Variants in FBN2 observed in about 807,000 individuals in gnomAD.
The protein encoded by FBN2 is fibrillin-2.
Under a neutral mutation model 355.6 loss-of-function variants are expected in FBN2, and 105 were observed. That is an observed-to-expected ratio of 0.30 (90% CI 0.25 to 0.35). FBN2 has a LOEUF of 0.35. Among genes scored for constraint, FBN2 ranks in the 10% least tolerant of loss-of-function variants. The pLI is 1.00. For synonymous variants in FBN2, 1,350 were observed against 1,301.2 expected, an observed-to-expected ratio of 1.04 and a Z score of -0.81; for missense variants, 3,280 against 3,758.7, an observed-to-expected ratio of 0.87 and a Z score of 3.33.
chr5:128,491,256 C>T (rs1427569238), intron 5 of FBN2, among the ~76,000 whole-genome samples: 1 of 152,206 alleles, frequency 6.6e-6, no homozygotes, highest in Non-Finnish European at 1.5e-5. Flanking sequence ...TTGAAAAGGA[C>T]AGCAAGCCAT....
At chr5:128,439,940 G>T (rs1753872367) in intron 7 of FBN2, among the ~76,000 whole-genome samples, 1 of 151,988 alleles carries the variant, frequency 6.6e-6, no homozygotes, top group Admixed American at 6.6e-5. Flanking sequence ...CCTGGTATAA[G>T]ATGTGACACA....
At chr5:128,288,405 G>A (rs371468490) in intron 53 of FBN2, 33 bp downstream of exon 53, 20 of 1,610,324 alleles carry the variant, frequency 1.2e-5, no homozygotes, top group African/African-American at 2.7e-5. Context: ...TCTATGTCAA[G>A]AAGAAATAAT....
chr5:128,500,040 T>G (rs2127138198), intron 5 of FBN2, among the ~76,000 whole-genome samples: 1 of 152,306 alleles, frequency 6.6e-6, no homozygotes, highest in South Asian at 2.1e-4. Context: ...TGCAACAATA[T>G]TAGTCTTAAA....
chr5:128,331,893 A>G (rs565090657), intron 32 of FBN2, among the ~76,000 whole-genome samples: 1 of 152,304 alleles, frequency 6.6e-6, no homozygotes, highest in South Asian at 2.1e-4. Flanking sequence ...GAGGCCAAAA[A>G]GAGAAAAAGA....
intron 59 of FBN2, among the ~76,000 whole-genome samples, chr5:128,275,316 TA>T (rs1294023831): frequency 6.6e-6 from 1 of 152,096 alleles, no homozygotes; most frequent in East Asian, 1.9e-4. Context: ...TTTTACAGCT[TA>T]AAAAACGCTT....
chr5:128,419,811 G>C (rs1021200875), intron 7 of FBN2, among the ~76,000 whole-genome samples: 13 of 152,056 alleles, frequency 8.5e-5, no homozygotes, highest in Non-Finnish European at 1.5e-4. Context: ...TCCTGCTTCA[G>C]CCTCCCAAGT....
intron 2 of FBN2, among the ~76,000 whole-genome samples, chr5:128,531,255 T>C (rs944537191): frequency 1.4e-4 from 22 of 152,146 alleles, no homozygotes; most frequent in African/African-American, 5.3e-4. Context: ...TAACAGCATT[T>C]GTAGTGACCT....
chr5:128,278,066 T>C, intron 57 of FBN2, 61 bp from the exon 58 acceptor site: 1 of 1,568,668 alleles, frequency 6.4e-7, no homozygotes, highest in Non-Finnish European at 8.8e-7. Flanking sequence ...TAAAACTGGT[T>C]AGAATCAAAG....
intron 7 of FBN2, among the ~76,000 whole-genome samples, chr5:128,434,190 A>G (rs1753707858): frequency 6.6e-6 from 1 of 151,754 alleles, no homozygotes; most frequent in South Asian, 2.1e-4. Flanking sequence ...GAAACACTAT[A>G]TTAAAATAAG....
At chr5:128,376,057 A>C (rs1752069886) in intron 14 of FBN2, among the ~76,000 whole-genome samples, 1 of 152,124 alleles carries the variant, frequency 6.6e-6, no homozygotes, top group Non-Finnish European at 1.5e-5. Flanking sequence ...AATTTAAAAA[A>C]GAAAAGGAAA....
chr5:128,326,365 T>G (rs1301740728), intron 34 of FBN2, among the ~76,000 whole-genome samples: 52 of 152,318 alleles, frequency 3.4e-4, no homozygotes, highest in East Asian at 5.8e-4. Flanking sequence ...TGCTCTCTCC[T>G]CAGAAATTAT....
intron 5 of FBN2, 81 bp from the exon 6 acceptor site, chr5:128,465,002 A>G: frequency 7.6e-7 from 1 of 1,321,930 alleles, no homozygotes; most frequent in Non-Finnish European, 1.1e-6. Flanking sequence ...TGCATAAAAC[A>G]GAGACTATTT....
At position 128,263,505 on chromosome 5, in the gene FBN2, G is replaced by A. The variant is rs370851605; in HGVS notation, c.8112C>T (p.Asn2704=). The A allele has an allele frequency of 3.6e-5, 58 of 1,614,130 alleles. 1 individual carries two copies. Among genetic ancestry groups the A allele is most frequent in the Admixed American group, 2.5e-4 (15 of 60,020 alleles). The change falls in exon 63 of 65, where the codon AAC becomes AAT. Residue 2704 remains asparagine (N), a synonymous_variant. Transcript: ENST00000262464. ...HDVNECSSSK[N]PCNYGCSNTE... The stretch of plus-strand genomic sequence containing the variant: ...TGTTAGAGCAGCCGTAATTGCAGGG[G>A]TTCTTGGAGGACGAGCACTCATTCA...
At chr5:128,382,340 A>G (rs148841701) in intron 11 of FBN2, among the ~76,000 whole-genome samples, 1 of 152,136 alleles carries the variant, frequency 6.6e-6, no homozygotes, top group East Asian at 1.9e-4. Context: ...TCTCTCTAAC[A>G]CTATGAGCTA....
At chr5:128,275,757 T>G (rs1034754178) in intron 59 of FBN2, among the ~76,000 whole-genome samples, 1 of 152,206 alleles carries the variant, frequency 6.6e-6, no homozygotes, top group African/African-American at 2.4e-5. Context: ...TTCAGTGATT[T>G]GTTTCGATCT....
At chr5:128,348,608 C>T (rs1015700721) in intron 23 of FBN2, among the ~76,000 whole-genome samples, 1 of 151,926 alleles carries the variant, frequency 6.6e-6, no homozygotes, top group African/African-American at 2.4e-5. Context: ...GTCTACATGT[C>T]TAAATTTCAA....
rs528735401 is a variant in FBN2 at position 128,264,970 on chromosome 5, G to A, written c.7961-1314C>T. ...ACATTTTTGTATCATGATTCTGATA[G>A]TCTCAGAATTAAAGGAGACCACTAA... On this transcript the variant is annotated intron_variant, in intron 62 of 64. Coordinates refer to ENST00000262464, the MANE Select transcript of FBN2 (RefSeq NM_001999.4). Among the ~76,000 whole-genome samples, 9 of 152,298 alleles carry A rather than the reference G, an allele frequency of 5.9e-5. No individual in the cohort carries two copies. In the South Asian group the frequency reaches 1.9e-3, roughly 32 times the overall value.
chr5:128,341,066 A>G (rs1350198190), intron 25 of FBN2, among the ~76,000 whole-genome samples: 1 of 152,102 alleles, frequency 6.6e-6, no homozygotes, highest in Admixed American at 6.5e-5. Context: ...GACCGGTAGG[A>G]TTACTAAAAG....
chr5:128,395,004 T>C, intron 9 of FBN2, 118 bp downstream of exon 9: 1 of 1,176,486 alleles, frequency 8.5e-7, no homozygotes, highest in East Asian at 2.4e-5. Flanking sequence ...CAGGCTGGTT[T>C]TGAACTTCTG....
Sources: allele counts gnomAD v4.1 joint callset (sites outside exome capture counted in the v4.1 genomes callset), GRCh38; gene constraint gnomAD v4.1.1; transcripts MANE v1.5; gene names NCBI Gene and HGNC (gene_info 2026-07-23, HGNC 2026-07-21).